BUD31: variants seen among roughly 807,000 people sequenced by gnomAD.
BUD31 encodes the protein protein BUD31 homolog.
In BUD31, 9 loss-of-function variants were observed where a neutral mutation model predicts 17.9. The observed-to-expected ratio is 0.50, with a 90% CI of 0.30 to 0.88. The LOEUF is 0.88. BUD31 is among the 40% of genes least tolerant of loss of function. The pLI, the probability that BUD31 is intolerant of heterozygous loss-of-function variation, is 0.06. For synonymous variants in BUD31, 70 were observed against 64.7 expected (o/e 1.08, Z -0.39); for missense variants, 148 against 184.5 (o/e 0.80, Z 1.15).
At position 99,417,456 on chromosome 7, in the gene BUD31, G is replaced by C. The variant is rs1248238907; in HGVS notation, c.245G>C (p.Gly82Ala). ...CTCTATGAATATTGTATTAAAGAAG[G>C]CTATGCAGACAAAAACCTGATTGCA... ...RELYEYCIKE[G>A]YADKNLIAKW... The change falls in exon 5 of 6, where the codon GGC (glycine) becomes GCC (alanine). Residue 82 changes from glycine to alanine, a missense_variant. By Grantham distance (60) the Gly-to-Ala change is moderately conservative. Coordinates refer to ENST00000222969, the MANE Select transcript of BUD31 (RefSeq NM_003910.4). 3 of 1,613,644 alleles carry C rather than the reference G, an allele frequency of 1.9e-6. No homozygotes were observed. In the South Asian group the frequency reaches 3.3e-5, roughly 18 times the overall value.
intron 5 of BUD31, chr7:99,418,967 G>A (rs1795665739): frequency 1.1e-5 from 2 of 183,884 alleles, no homozygotes; most frequent in South Asian, 2.1e-4. Context: ...CCAGAAGGGT[G>A]TGACTCAAGT....
chr7:99,409,565 G>T (rs998836150), intron 1 of BUD31, among the ~76,000 whole-genome samples: 1 of 152,030 alleles, frequency 6.6e-6, no homozygotes, highest in South Asian at 2.1e-4. Flanking sequence ...CAGACTATGC[G>T]CCTTGGGGCC....
chr7:99,409,976 G>A (rs191497354), intron 1 of BUD31, 58 bp from the exon 2 acceptor site: 13 of 152,306 alleles, frequency 8.5e-5, no homozygotes, highest in African/African-American at 3.1e-4. Context: ...TATGTAATAT[G>A]TTGTTTGGTG....
At chr7:99,410,383 T>C (rs1795129339) in intron 2 of BUD31, among the ~76,000 whole-genome samples, 1 of 150,816 alleles carries the variant, frequency 6.6e-6, no homozygotes, top group African/African-American at 2.4e-5. Flanking sequence ...CATGCTCAGT[T>C]AATTTTTTTG....
intron 4 of BUD31, 187 bp from the exon 5 acceptor site, chr7:99,417,242 G>A (rs576215595): frequency 1.1e-5 from 6 of 536,760 alleles, no homozygotes; most frequent in South Asian, 7.9e-5. Flanking sequence ...TAGTAGAGAC[G>A]GGGTTTTACC....
At chr7:99,412,750 T>C (rs1279610930) in intron 3 of BUD31, among the ~76,000 whole-genome samples, 1 of 151,418 alleles carries the variant, frequency 6.6e-6, no homozygotes, top group East Asian at 1.9e-4. Flanking sequence ...TAGCTGGGAC[T>C]ACAGGCGCCC....
chr7:99,409,996 C>T (rs1351218324), intron 1 of BUD31, 38 bp from the exon 2 acceptor site: 4 of 152,150 alleles, frequency 2.6e-5, no homozygotes, highest in South Asian at 2.1e-4. Context: ...GTGAAAGAGA[C>T]CTTGGCAATC....
intron 4 of BUD31, chr7:99,417,206 C>G (rs1334422781): frequency 1.1e-5 from 5 of 441,058 alleles, no homozygotes; most frequent in Non-Finnish European, 2.1e-5. Context: ...ACAGCTGCTA[C>G]CACGCCCGAG....
intron 3 of BUD31, chr7:99,411,703 C>G (rs1204248182): frequency 2.2e-6 from 1 of 455,900 alleles, no homozygotes; most frequent in East Asian, 7.0e-5. Context: ...TACCAATTGA[C>G]TTTTTTATTT....
chr7:99,417,300 G>T lies in BUD31; in HGVS notation c.218-129G>T, dbSNP rs577258303. On this transcript the variant is annotated intron_variant, in intron 4 of 5. Coordinates refer to ENST00000222969, the MANE Select transcript of BUD31 (RefSeq NM_003910.4). ...ACTCCTGACCTCAGGTGATCCGCCT[G>T]CCTCGGCCTCCCAAAGTGCTGGGAT... The T allele has an allele frequency of 6.9e-5, 61 of 883,400 alleles. No individual in the cohort carries two copies. The African/African-American group carries it at 9.0e-4, about 13-fold the overall frequency. The allele number at this position is 883,400 out of a possible 1,614,324, so 54.7% of individuals were successfully genotyped here. A position where few individuals can be genotyped will look rare whatever the true frequency, so the allele number is the denominator to read the frequency against.
At chr7:99,417,203 C>G in intron 4 of BUD31, 1 of 434,056 alleles carries the variant, frequency 2.3e-6, no homozygotes, top group South Asian at 2.1e-5. Context: ...ATTACAGCTG[C>G]TACCACGCCC....
chr7:99,416,015 C>T, intron 3 of BUD31, 123 bp from the exon 4 acceptor site: 1 of 1,380,970 alleles, frequency 7.2e-7, no homozygotes, highest in Non-Finnish European at 9.7e-7. Flanking sequence ...GGGTGGCTTG[C>T]CACCCACAGC....
At chr7:99,417,394 C>G (rs1389979239) in intron 4 of BUD31, 35 bp from the exon 5 acceptor site, 1 of 1,607,620 alleles carries the variant, frequency 6.2e-7, no homozygotes, top group South Asian at 1.1e-5. Context: ...GTTTTTAGAC[C>G]ATGGCCTGAT....
intron 5 of BUD31, 114 bp downstream of exon 5, chr7:99,417,709 G>A: frequency 6.5e-7 from 1 of 1,544,378 alleles, no homozygotes. Flanking sequence ...GTCCCTGGAT[G>A]TCCTGCTGGC....
At chr7:99,417,650 T>C (rs1795578549) in intron 5 of BUD31, 55 bp downstream of exon 5, 32 of 1,599,644 alleles carry the variant, frequency 2.0e-5, no homozygotes, top group Non-Finnish European at 2.5e-5. Flanking sequence ...TCTGCCTTAG[T>C]CGACTGCAAG....
At chr7:99,410,809 AT>A (rs1186799861) in intron 2 of BUD31, among the ~76,000 whole-genome samples, 2 of 152,238 alleles carry the variant, frequency 1.3e-5, no homozygotes, top group Non-Finnish European at 2.9e-5. Flanking sequence ...AGTCTTTGCA[AT>A]GACCACATAA....
intron 4 of BUD31, 68 bp from the exon 5 acceptor site, chr7:99,417,361 T>C (rs2003499): frequency 0.14 from 216,816 of 1,555,080 alleles, 29,477 homozygotes; most frequent in African/African-American, 0.72. Context: ...CCTGAATGCT[T>C]TTTTTGATCA....
chr7:99,417,359 C>T, intron 4 of BUD31, 70 bp from the exon 5 acceptor site: 1 of 1,541,242 alleles, frequency 6.5e-7, no homozygotes, highest in Non-Finnish European at 9.0e-7. Context: ...GGCCTGAATG[C>T]TTTTTTTGAT....
chr7:99,415,083 C>G (rs572686790), intron 3 of BUD31: 1 of 388,004 alleles, frequency 2.6e-6, no homozygotes, highest in Admixed American at 3.1e-5. Flanking sequence ...GGTTTCTCCC[C>G]GTGTGTGGAG....
Sources: allele counts gnomAD v4.1 joint callset (sites outside exome capture counted in the v4.1 genomes callset), GRCh38; gene constraint gnomAD v4.1.1; transcripts MANE v1.5; gene names NCBI Gene and HGNC (gene_info 2026-07-23, HGNC 2026-07-21).